CHSY3: variants seen among roughly 807,000 people sequenced by gnomAD.
CHSY3 encodes the protein chondroitin sulfate synthase 3.
Under a neutral mutation model 67.2 loss-of-function variants are expected in CHSY3, and 35 were observed. The ratio of observed to expected loss-of-function variants is 0.52; its 90% CI spans 0.40 to 0.69. The LOEUF (loss-of-function observed/expected upper bound fraction) is 0.69, where lower values mean the gene tolerates loss of function less well. Among genes scored for constraint, CHSY3 ranks in the 30% least tolerant of loss-of-function variants. The pLI, the probability that CHSY3 is intolerant of heterozygous loss-of-function variation, is 0.00. For missense variants in CHSY3, 1,069 were observed against 1,138.5 expected, an observed-to-expected ratio of 0.94 and a Z score of 0.88; for synonymous variants, 474 against 434.7, an observed-to-expected ratio of 1.09 and a Z score of -1.12.
At chr5:130,027,401 C>T (rs1022056414) in intron 2 of CHSY3, among the ~76,000 whole-genome samples, 1 of 151,930 alleles carries the variant, frequency 6.6e-6, no homozygotes, top group Non-Finnish European at 1.5e-5. Flanking sequence ...AATAGGCTTA[C>T]CATGAGGATT....
intron 2 of CHSY3, among the ~76,000 whole-genome samples, chr5:129,924,429 C>T (rs1291432033): frequency 1.3e-5 from 2 of 151,940 alleles, no homozygotes; most frequent in African/African-American, 2.4e-5. Flanking sequence ...AGGCGGATCA[C>T]GAGATCAAGA....
chr5:130,141,210 A>G (rs1241014314), intron 2 of CHSY3: 3 of 479,614 alleles, frequency 6.3e-6, no homozygotes, highest in Admixed American at 2.6e-5. Context: ...TTGGATGTCA[A>G]CTCCTCTTTT....
intron 2 of CHSY3, among the ~76,000 whole-genome samples, chr5:129,931,891 A>G (rs954799092): frequency 9.9e-5 from 15 of 152,120 alleles, no homozygotes; most frequent in Admixed American, 6.6e-4. Context: ...AGATAAATTG[A>G]GTATTTACAT....
chr5:129,917,135 G>T (rs1298291875), intron 2 of CHSY3, among the ~76,000 whole-genome samples: 1 of 152,034 alleles, frequency 6.6e-6, no homozygotes, highest in East Asian at 1.9e-4. Context: ...TAGATTACCT[G>T]GCTTCTTACT....
chr5:130,167,389 T>G (rs1299390275), intron 2 of CHSY3, among the ~76,000 whole-genome samples: 1 of 152,040 alleles, frequency 6.6e-6, no homozygotes, highest in Non-Finnish European at 1.5e-5. Context: ...AATAGTACCT[T>G]GAGAAAGCCA....
chr5:130,025,866 A>G (rs958150575), intron 2 of CHSY3, among the ~76,000 whole-genome samples: 2 of 152,162 alleles, frequency 1.3e-5, no homozygotes, highest in Admixed American at 6.6e-5. Flanking sequence ...GAGGTGGGAC[A>G]CAAACCTGCA....
At chr5:130,044,721 A>G (rs1419447248) in intron 2 of CHSY3, among the ~76,000 whole-genome samples, 1 of 152,090 alleles carries the variant, frequency 6.6e-6, no homozygotes, top group East Asian at 1.9e-4. Context: ...TTCTAAGTGA[A>G]TGTTAGGACT....
intron 2 of CHSY3, among the ~76,000 whole-genome samples, chr5:130,032,968 C>T (rs1381433763): frequency 3.3e-5 from 5 of 152,086 alleles, no homozygotes; most frequent in Non-Finnish European, 5.9e-5. Context: ...GTGGCCAGTC[C>T]GTCATACCAG....
At chr5:130,020,412 T>A (rs1195649253) in intron 2 of CHSY3, among the ~76,000 whole-genome samples, 1 of 135,316 alleles carries the variant, frequency 7.4e-6, no homozygotes, top group African/African-American at 2.8e-5. Context: ...AAAGCAAGAC[T>A]TCATCTCAAA....
chr5:130,016,876 C>G (rs1274940636), intron 2 of CHSY3, among the ~76,000 whole-genome samples: 1 of 152,080 alleles, frequency 6.6e-6, no homozygotes, highest in Non-Finnish European at 1.5e-5. Context: ...ACTTTAAAGC[C>G]TTTTGAGATA....
chr5:129,920,243 T>C (rs151027559), intron 2 of CHSY3, among the ~76,000 whole-genome samples: 159 of 152,252 alleles, frequency 1.0e-3, no homozygotes, highest in African/African-American at 3.7e-3. Context: ...TCTTTTTTTG[T>C]TTGTTTGCTT....
chr5:129,904,518 C>T lies in CHSY3; in HGVS notation c.-312C>T, dbSNP rs1480866551. 31 of 279,084 alleles carry T rather than the reference C, an allele frequency of 1.1e-4. 1 individual carries two copies. In the Admixed American group the frequency reaches 1.6e-3, roughly 14 times the overall value. 17.3% of individuals were successfully genotyped at this position (279,084 alleles called of 1,614,324 possible). ...CGCGTTGCCGCCGCCGCTGCTCCTC[C>T]TCCTCCTCCTGCAGCTCCTCCAGCT... On this transcript the variant is annotated 5_prime_UTR_variant, in exon 1 of 3. Coordinates refer to ENST00000305031, the MANE Select transcript of CHSY3 (RefSeq NM_175856.5).
chr5:130,129,474 A>G (rs74708638), intron 2 of CHSY3, among the ~76,000 whole-genome samples: 6,886 of 152,198 alleles, frequency 0.045, 427 homozygotes, highest in East Asian at 0.27. Context: ...AATTTATAAC[A>G]CACAAGACAT....
intron 2 of CHSY3, among the ~76,000 whole-genome samples, chr5:130,113,062 A>G (rs534912495): frequency 6.6e-6 from 1 of 152,198 alleles, no homozygotes; most frequent in South Asian, 2.1e-4. Context: ...AATGAGGGGT[A>G]TATTTGGAAT....
At chr5:130,097,458 G>T (rs1425231674) in intron 2 of CHSY3, among the ~76,000 whole-genome samples, 1 of 152,158 alleles carries the variant, frequency 6.6e-6, no homozygotes, top group Non-Finnish European at 1.5e-5. Context: ...TCCAGGAGAG[G>T]CTGGGACTCT....
intron 2 of CHSY3, among the ~76,000 whole-genome samples, chr5:129,984,167 A>G (rs1418125259): frequency 2.0e-5 from 3 of 152,030 alleles, no homozygotes; most frequent in South Asian, 4.1e-4. Flanking sequence ...TAGTTTTTCA[A>G]TCCTTACTCT....
chr5:129,927,567 T>G (rs967393622), intron 2 of CHSY3, among the ~76,000 whole-genome samples: 1 of 152,046 alleles, frequency 6.6e-6, no homozygotes, highest in Non-Finnish European at 1.5e-5. Flanking sequence ...TCATCAAATT[T>G]GGCAGACAAC....
intron 2 of CHSY3, among the ~76,000 whole-genome samples, chr5:129,957,312 T>C (rs1762205730): frequency 2.0e-5 from 3 of 152,182 alleles, no homozygotes; most frequent in Admixed American, 6.6e-5. Context: ...TGTATGTTGA[T>C]TTTGTATTCT....
intron 2 of CHSY3, among the ~76,000 whole-genome samples, chr5:130,087,040 C>G (rs988830417): frequency 6.6e-6 from 1 of 152,098 alleles, no homozygotes; most frequent in Non-Finnish European, 1.5e-5. Flanking sequence ...GGCTTCATCC[C>G]TGGGATGCAA....
Sources: allele counts gnomAD v4.1 joint callset (sites outside exome capture counted in the v4.1 genomes callset), GRCh38; gene constraint gnomAD v4.1.1; transcripts MANE v1.5; gene names NCBI Gene and HGNC (gene_info 2026-07-23, HGNC 2026-07-21).